NXNL2: variants seen among roughly 807,000 people sequenced by gnomAD.
NXNL2 encodes the protein nucleoredoxin-like protein 2.
A neutral mutation model predicts 11.1 loss-of-function variants in NXNL2; 7 were observed. The observed-to-expected ratio is 0.63, with a 90% CI of 0.36 to 1.18. The LOEUF (loss-of-function observed/expected upper bound fraction) is 1.18, where lower values mean the gene tolerates loss of function less well. Among genes scored for constraint, NXNL2 ranks in the 50% most tolerant of loss-of-function variants. The pLI is 0.02. For missense variants in NXNL2, 233 were observed against 217.7 expected, an observed-to-expected ratio of 1.07 and a Z score of -0.44; for synonymous variants, 109 against 101.8, an observed-to-expected ratio of 1.07 and a Z score of -0.42.
intron 1 of NXNL2, among the ~76,000 whole-genome samples, chr9:88,570,343 C>T (rs933607436): frequency 7.9e-5 from 12 of 152,158 alleles, no homozygotes; most frequent in Admixed American, 7.2e-4. Context: ...ATCTCAAATT[C>T]CAGACCTCAA....
At chr9:88,572,017 T>C (rs1243726308) in intron 2 of NXNL2, among the ~76,000 whole-genome samples, 1 of 152,168 alleles carries the variant, frequency 6.6e-6, no homozygotes, top group Non-Finnish European at 1.5e-5. Flanking sequence ...AGAAGGTGAA[T>C]AGGTGTCCCA....
intron 1 of NXNL2, among the ~76,000 whole-genome samples, chr9:88,563,010 C>A (rs1039430736): frequency 6.6e-6 from 1 of 152,056 alleles, no homozygotes; most frequent in Non-Finnish European, 1.5e-5. Flanking sequence ...ATCGCTTGAA[C>A]CCAGGAGGTG....
intron 1 of NXNL2, among the ~76,000 whole-genome samples, chr9:88,553,026 T>G (rs1829963033): frequency 6.6e-6 from 1 of 152,140 alleles, no homozygotes; most frequent in Non-Finnish European, 1.5e-5. Context: ...ATCCTTCCAC[T>G]CCACATGAAA....
rs552479626 is a variant in NXNL2 at position 88,573,678 on chromosome 9, G to A, written c.*17-1409G>A. 9.2e-5 allele frequency among the ~76,000 whole-genome samples: 14 copies of A among 152,300 alleles called. No homozygotes were observed. In the East Asian group the frequency reaches 2.3e-3, roughly 25 times the overall value. On this transcript the variant is annotated intron_variant, in intron 2 of 2. Transcript: ENST00000375855. ...AGCAGGAGGAGGGGAAATGGGGCACGGTTTTTAGTGGGTATGAAAATGTTC... is the reference window on the plus strand; with the variant it reads ...AGCAGGAGGAGGGGAAATGGGGCACAGTTTTTAGTGGGTATGAAAATGTTC...
At chr9:88,567,998 C>G (rs967912389) in intron 1 of NXNL2, among the ~76,000 whole-genome samples, 1 of 152,212 alleles carries the variant, frequency 6.6e-6, no homozygotes, top group Non-Finnish European at 1.5e-5. Flanking sequence ...ACTTGCCTCA[C>G]CCAGTCCCAA....
intron 1 of NXNL2, among the ~76,000 whole-genome samples, chr9:88,541,885 G>T (rs569442774): frequency 6.6e-6 from 1 of 152,050 alleles, no homozygotes; most frequent in Non-Finnish European, 1.5e-5. Flanking sequence ...TGTCATCTGC[G>T]TTACTATTTC....
intron 1 of NXNL2, among the ~76,000 whole-genome samples, chr9:88,582,445 G>A (rs1419601088): frequency 6.6e-6 from 1 of 151,926 alleles, no homozygotes; most frequent in Non-Finnish European, 1.5e-5. Context: ...CTCCAGCCTG[G>A]GCGACAGAGA....
chr9:88,567,822 CAGGCCAACCCCT>C (rs1194033112), intron 1 of NXNL2, among the ~76,000 whole-genome samples: 1 of 152,178 alleles, frequency 6.6e-6, no homozygotes, highest in Non-Finnish European at 1.5e-5. Context: ...GCCCAGACTC[CAGGCCAACCCCT>C]AGGCTCTCTG....
intron 1 of NXNL2, among the ~76,000 whole-genome samples, chr9:88,555,913 G>A (rs1331628921): frequency 6.6e-6 from 1 of 152,244 alleles, no homozygotes; most frequent in Non-Finnish European, 1.5e-5. Context: ...GCCGGCTGTT[G>A]TGGTTGGGTG....
chr9:88,566,991 T>TCTATCTAC (rs58843985), intron 1 of NXNL2, among the ~76,000 whole-genome samples: 4,369 of 150,520 alleles, frequency 0.029, 197 homozygotes, highest in African/African-American at 0.097. Context: ...TATCTATCTA[T>TCTATCTAC]CTATCTATCT....
In NXNL2 at chr9:88,563,018, G is replaced by A. The variant is rs191712303; in HGVS notation, c.303-8069G>A. Among the ~76,000 whole-genome samples the A allele has an allele frequency of 9.1e-4, 139 of 152,182 alleles. No individual in the cohort carries two copies. In the Middle Eastern group the frequency reaches 0.014, roughly 15 times the overall value. On this transcript the variant is annotated intron_variant, in intron 1 of 2. Coordinates refer to the NXNL2 transcript ENST00000375855. ...CAGGAGAATCGCTTGAACCCAGGAG[G>A]TGGAGGTTGCAGTGAGCCGAGATCA...
At chr9:88,572,298 A>T (rs1442158875) in intron 2 of NXNL2, among the ~76,000 whole-genome samples, 1 of 152,038 alleles carries the variant, frequency 6.6e-6, no homozygotes, top group African/African-American at 2.4e-5. Context: ...GACTCTGTGG[A>T]TGGGTGGAGT....
chr9:88,550,877 C>T (rs189864459), intron 1 of NXNL2, among the ~76,000 whole-genome samples: 6 of 152,252 alleles, frequency 3.9e-5, no homozygotes, highest in Non-Finnish European at 5.9e-5. Context: ...TGTAGGGAAC[C>T]GAACATTCTG....
At chr9:88,547,622 T>C (rs569723895), downstream of NXNL2, among the ~76,000 whole-genome samples, 254 of 152,298 alleles carry the variant, frequency 1.7e-3, no homozygotes, top group African/African-American at 5.5e-3. Flanking sequence ...TAATTTTGAT[T>C]GAAAAGAGCC....
chr9:88,567,015 T>TCTATCTATCTAA lies in NXNL2; in HGVS notation c.303-4067_303-4066insTATCTAACTATC, dbSNP rs1437851448. On this transcript the variant is annotated intron_variant, in intron 1 of 2. Transcript: ENST00000375855. ...ATCTATCTATCTATCTATCTATCTA[T>TCTATCTATCTAA]CTATCATCTAATATGTTTTCTTTCT... Among the ~76,000 whole-genome samples the TCTATCTATCTAA allele has an allele frequency of 6.5e-5, 9 of 138,772 alleles. No homozygotes were observed. The East Asian group carries it at 2.0e-3, about 30-fold the overall frequency. The allele number at this position is 138,772 out of a possible 152,430, so 91.0% of individuals were successfully genotyped here. A position where few individuals can be genotyped will look rare whatever the true frequency, so the allele number is the denominator to read the frequency against.
chr9:88,535,875 C>G (rs1401256873), intron 1 of NXNL2, 139 bp downstream of exon 1: 1 of 680,334 alleles, frequency 1.5e-6, no homozygotes, highest in Non-Finnish European at 2.4e-6. Context: ...CGTCCGGACT[C>G]CGGTAAATCA....
rs186858392 is a variant in NXNL2 at position 88,541,987 on chromosome 9, T to C, written c.303-2392T>C. ...GGCTCATGCCTGTAATCCCAGCACT[T>C]TGGGAGGCCGAGGTAGGCGGATCAC... On this transcript the variant is annotated intron_variant, in intron 1 of 1. Coordinates refer to ENST00000375854, the MANE Select transcript of NXNL2 (RefSeq NM_001161625.2). 1.1e-4 allele frequency among the ~76,000 whole-genome samples: 17 copies of C among 152,166 alleles called. 1 individual carries two copies. Among genetic ancestry groups the C allele is most frequent in the Admixed American group, 1.1e-3 (17 of 15,288 alleles).
chr9:88,560,477 C>T (rs1830072754), intron 1 of NXNL2, among the ~76,000 whole-genome samples: 1 of 152,038 alleles, frequency 6.6e-6, no homozygotes. Context: ...ATGGTGGATG[C>T]AGCATCTAGA....
At chr9:88,549,132 C>A (rs1277062922), downstream of NXNL2, among the ~76,000 whole-genome samples, 2 of 152,190 alleles carry the variant, frequency 1.3e-5, no homozygotes, top group African/African-American at 2.4e-5. Context: ...GTAGTCTAAC[C>A]TGAACCCTCC....
Sources: gnomAD v4.1 joint callset for allele counts (sites outside exome capture counted in the v4.1 genomes callset) on GRCh38, gnomAD v4.1.1 for gene constraint, MANE v1.5 for transcripts, NCBI Gene and HGNC (gene_info 2026-07-23, HGNC 2026-07-21) for gene names.